PPEF2: variants seen among roughly 807,000 people sequenced by gnomAD.
The protein encoded by PPEF2 is protein phosphatase with EF-hand domain 2.
In PPEF2, 84 loss-of-function variants were observed where a neutral mutation model predicts 84.7. The observed-to-expected ratio is 0.99, with a 90% confidence interval of 0.83 to 1.19. The LOEUF is 1.19. PPEF2 is among the 50% of genes most tolerant of loss of function. PPEF2 has a pLI of 0.00. For missense variants in PPEF2, 924 were observed against 937.5 expected (o/e 0.99, Z 0.19); for synonymous variants, 346 against 345.2 (o/e 1.00, Z -0.03).
In PPEF2 at chr4:75,883,045, G is replaced by T. The variant is rs1474822067; in HGVS notation, c.814C>A (p.Gln272Lys). 3 of 1,614,152 alleles carry T rather than the reference G, an allele frequency of 1.9e-6. No individual in the cohort carries two copies. Among genetic ancestry groups the T allele is most frequent in the Admixed American group, 1.7e-5 (1 of 60,010 alleles). Residue 272 changes from glutamine to lysine, a missense_variant, in exon 10 of 17, where the codon CAA becomes AAA. Coordinates refer to ENST00000286719, the MANE Select transcript of PPEF2 (RefSeq NM_006239.3). ...AGTGGAAGCCAACAGAAAACATCTT[G>T]CAGGGTTCTTAGTATTTCCTTCCCG... is the stretch of plus-strand genomic sequence containing the variant. The part of the protein sequence containing the change: ...VHGKEILRTL[Q>K]DVFCWLPLAT...
Position 75,883,441 on chromosome 4 carries a change from C to T in PPEF2, c.747-239G>A, listed in dbSNP as rs963989965. 17 of 542,492 alleles carry T rather than the reference C, an allele frequency of 3.1e-5. No individual in the cohort carries two copies. The Admixed American group carries it at 4.9e-4, about 16-fold the overall frequency. 33.6% of individuals were successfully genotyped at this position (542,492 alleles called of 1,614,324 possible). A position where few individuals can be genotyped will look rare whatever the true frequency, so the allele number is the denominator to read the frequency against. On this transcript the variant is annotated intron_variant, in intron 8 of 16. Transcript: ENST00000286719. ...TATTTCCTGCTTTACTATCATGAAT[C>T]TCTATTATTTATATGATAGAGTATG...
intron 13 of PPEF2, among the ~76,000 whole-genome samples, chr4:75,868,459 C>T (rs1481162236): frequency 6.6e-6 from 1 of 151,612 alleles, no homozygotes; most frequent in Non-Finnish European, 1.5e-5. Flanking sequence ...AAAATTAAAT[C>T]ATGTTTGATG....
intron 1 of PPEF2, among the ~76,000 whole-genome samples, chr4:75,901,842 G>A (rs1480820667): frequency 1.3e-5 from 2 of 152,186 alleles, no homozygotes; most frequent in Non-Finnish European, 2.9e-5. Context: ...CAGCATGCCT[G>A]TGGTTCCAGC....
intron 12 of PPEF2, among the ~76,000 whole-genome samples, chr4:75,872,391 A>G (rs1724303195): frequency 6.6e-6 from 1 of 152,198 alleles, no homozygotes; most frequent in Non-Finnish European, 1.5e-5. Context: ...TAGTTTCACA[A>G]TGTATCTTCT....
At position 75,892,026 on chromosome 4, in the gene PPEF2, C is replaced by T. The variant is rs376087234; in HGVS notation, c.56-48G>A. 165 of 1,600,512 alleles carry T rather than the reference C, an allele frequency of 1.0e-4. 1 individual carries two copies. In the African/African-American group the frequency reaches 1.8e-3, roughly 18 times the overall value. On this transcript the variant is annotated intron_variant, in intron 2 of 16. Transcript: ENST00000286719. ...AGCCTGTGAGCTCGGACTCCCTGGG[C>T]CAGGGGTTTGGGGGTAGGGAGAGGA...
intron 15 of PPEF2, 73 bp from the exon 16 acceptor site, chr4:75,864,600 C>T (rs2149213668): frequency 1.8e-6 from 2 of 1,142,534 alleles, no homozygotes; most frequent in Non-Finnish European, 2.6e-6. Context: ...AACACACAAT[C>T]AACCCTGACA....
chr4:75,872,141 G>A lies in PPEF2; in HGVS notation c.1533C>T (p.Asn511=), dbSNP rs778586794. The A allele has an allele frequency of 2.5e-6, 4 of 1,613,852 alleles. No individual in the cohort carries two copies. In the Admixed American group the frequency reaches 6.7e-5, roughly 27 times the overall value. The change falls in exon 13 of 17, where the codon AAC becomes AAT. Residue 511 remains asparagine, a synonymous_variant. Coordinates refer to ENST00000286719, the MANE Select transcript of PPEF2 (RefSeq NM_006239.3). ...RKVLTIFSAS[N]YYEVGSNRGA... is the part of the protein sequence containing the mutation. ...CTCTGTTGCTGCCAACTTCATAGTA[G>A]TTGGAGGCAGAAAAGATTGTTAATA... is the stretch of plus-strand genomic sequence containing the variant.
At chr4:75,880,944 C>G (rs1437861331) in intron 10 of PPEF2, among the ~76,000 whole-genome samples, 2 of 149,512 alleles carry the variant, frequency 1.3e-5, no homozygotes, top group African/African-American at 4.9e-5. Flanking sequence ...GGACTACAGG[C>G]GCACGCTGCC....
chr4:75,901,737 C>T (rs948758231), intron 1 of PPEF2, among the ~76,000 whole-genome samples: 11 of 152,306 alleles, frequency 7.2e-5, no homozygotes, highest in Admixed American at 1.3e-4. Context: ...ATCCACCCAA[C>T]GTGGGTGAGA....
intron 16 of PPEF2, among the ~76,000 whole-genome samples, chr4:75,862,249 T>C (rs1724022358): frequency 7.2e-6 from 1 of 138,340 alleles, no homozygotes; most frequent in Non-Finnish European, 1.5e-5. Context: ...GCCAAGATCG[T>C]ACCACTGCAC....
chr4:75,879,480 C>T (rs1019433563), intron 10 of PPEF2, among the ~76,000 whole-genome samples: 1 of 152,106 alleles, frequency 6.6e-6, no homozygotes, highest in African/African-American at 2.4e-5. Flanking sequence ...AAATATTGTG[C>T]CTTCTGCTTT....
chr4:75,876,603 T>C lies in PPEF2; in HGVS notation c.1004A>G (p.Asn335Ser), dbSNP rs144341860. 118 of 1,608,098 alleles carry C rather than the reference T, an allele frequency of 7.3e-5. No individual in the cohort carries two copies. Among genetic ancestry groups the C allele is most frequent in the East Asian group, 1.8e-4 (8 of 44,796 alleles). Residue 335 changes from asparagine to serine, a missense_variant, in exon 11 of 17, where the codon AAC becomes AGC. Asn to Ser is a conservative substitution (Grantham distance 46). Transcript: ENST00000286719. ...EKQMEEKRRA[N>S]QKSSAQGPIP... The stretch of plus-strand genomic sequence containing the variant: ...GGGTCCCTGTGCAGAGCTCTTCTGG[T>C]TGGCTCTTCTCTTCTCCTCCATCTG...
chr4:75,877,992 G>A (rs1442455742), intron 10 of PPEF2, among the ~76,000 whole-genome samples: 1 of 152,154 alleles, frequency 6.6e-6, no homozygotes, highest in East Asian at 1.9e-4. Flanking sequence ...TTCCACAGAT[G>A]CTAAAACAAA....
Position 75,866,207 on chromosome 4 carries a change from C to G in PPEF2, c.1902G>C (p.Lys634Asn), listed in dbSNP as rs1180533019. 8 of 1,613,136 alleles carry G rather than the reference C, an allele frequency of 5.0e-6. No individual in the cohort carries two copies. The Admixed American group carries it at 1.2e-4, about 24-fold the overall frequency. ...CCGTTACCTCGCGACTCAGTTGTTC[C>G]TTGGCCAAGTTCTTCAGCCAAGACT... The part of the protein sequence containing the change: ...EYKSWLKNLA[K>N]EQLSRENIQS... The change falls in exon 15 of 17, where the codon AAG (lysine) becomes AAC (asparagine). Residue 634 changes from lysine to asparagine, a missense_variant. Physicochemically the swap from Lys to Asn is moderately conservative, Grantham distance 94 (BLOSUM62 0). Transcript: ENST00000286719.
At chr4:75,893,195 C>G (rs1406120983) in intron 2 of PPEF2, among the ~76,000 whole-genome samples, 2 of 152,096 alleles carry the variant, frequency 1.3e-5, no homozygotes, top group Non-Finnish European at 2.9e-5. Flanking sequence ...TCTGTAAAAC[C>G]ATGTTCAGAA....
At chr4:75,863,004 T>A (rs1341761429) in intron 16 of PPEF2, among the ~76,000 whole-genome samples, 1 of 152,200 alleles carries the variant, frequency 6.6e-6, no homozygotes, top group East Asian at 1.9e-4. Flanking sequence ...GCAACATGGA[T>A]GAATCTTGAA....
rs1037362559 is a variant in PPEF2, at chr4:75,883,162, G to T, written c.783+4C>A. 6.2e-7 allele frequency: 1 copy of T among 1,613,630 alleles called. No individual in the cohort carries two copies. Among genetic ancestry groups the T allele is most frequent in the Non-Finnish European group, 8.5e-7 (1 of 1,179,716 alleles). On this transcript the variant is annotated splice_donor_region_variant and intron_variant, in intron 9 of 16. Transcript: ENST00000286719. ...AGAAACTTTTGTCTTTAAAGGCAGC[G>T]CACCTTGTATTTATTCATCACTTCC...
At chr4:75,867,048 C>T (rs1724147449) in intron 14 of PPEF2, among the ~76,000 whole-genome samples, 1 of 152,136 alleles carries the variant, frequency 6.6e-6, no homozygotes, top group Admixed American at 6.6e-5. Context: ...TTGTTCTTTG[C>T]TTGGTTCTGG....
At chr4:75,869,061 C>T (rs1578002356) in intron 13 of PPEF2, among the ~76,000 whole-genome samples, 1 of 152,324 alleles carries the variant, frequency 6.6e-6, no homozygotes, top group South Asian at 2.1e-4. Flanking sequence ...CCCCAAATTT[C>T]ACAGGTATGT....
Sources: gnomAD v4.1 joint callset for allele counts (sites outside exome capture counted in the v4.1 genomes callset) on GRCh38, gnomAD v4.1.1 for gene constraint, MANE v1.5 for transcripts, NCBI Gene and HGNC (gene_info 2026-07-23, HGNC 2026-07-21) for gene names.